The following EIF3E variants were observed in gnomAD, a reference collection of about 807,000 sequenced individuals.
The protein encoded by EIF3E is eukaryotic translation initiation factor 3 subunit E.
Under a neutral mutation model 59.3 loss-of-function variants are expected in EIF3E, and 25 were observed. The observed-to-expected ratio is 0.42, with a 90% CI of 0.31 to 0.59. The LOEUF is 0.59. EIF3E is among the 20% of genes least tolerant of loss of function. EIF3E has a pLI of 0.15. For missense variants in EIF3E, 317 were observed against 534.3 expected (o/e 0.59, Z 4.01); for synonymous variants, 176 against 170.2 (o/e 1.03, Z -0.26).
At chr8:108,245,261 T>C (rs1306713992) in intron 1 of EIF3E, among the ~76,000 whole-genome samples, 2 of 151,570 alleles carry the variant, frequency 1.3e-5, no homozygotes, top group Non-Finnish European at 2.9e-5. Context: ...AGTTCAGGAG[T>C]TTGAGACCAG....
At position 108,201,849 on chromosome 8, in the gene EIF3E, T is replaced by C. The variant is rs756944463; in HGVS notation, c.*36A>G. On this transcript the variant is annotated 3_prime_UTR_variant, in exon 13 of 13. Transcript: ENST00000220849. ...ATAGTTTTATTATTTCATCTTTCTT[T>C]GATAGTTTTTTTTTTCATCTTTTCT... 4.8e-6 allele frequency: 7 copies of C among 1,467,592 alleles called. No individual in the cohort carries two copies. Among genetic ancestry groups the C allele is most frequent in the Non-Finnish European group, 6.3e-6 (7 of 1,105,104 alleles). The allele number at this position is 1,467,592 out of a possible 1,614,324, so 90.9% of individuals were successfully genotyped here.
At chr8:108,203,544 C>T (rs1815035414) in intron 10 of EIF3E, 41 bp from the exon 11 acceptor site, 1 of 1,561,796 alleles carries the variant, frequency 6.4e-7, no homozygotes, top group Non-Finnish European at 8.8e-7. Context: ...TTAACTGGGC[C>T]TAAAAACTTA....
At chr8:108,240,941 C>CT (rs1815824233) in intron 2 of EIF3E, among the ~76,000 whole-genome samples, 1 of 151,640 alleles carries the variant, frequency 6.6e-6, no homozygotes, top group Admixed American at 6.6e-5. Context: ...GATCGCACCA[C>CT]TGCACTCCAG....
chr8:108,206,658 G>A (rs1019335023), intron 10 of EIF3E, among the ~76,000 whole-genome samples: 7 of 150,886 alleles, frequency 4.6e-5, no homozygotes, highest in Admixed American at 1.3e-4. Context: ...ACACACGCAC[G>A]CACGTACAGT....
chr8:108,203,231 A>C, intron 11 of EIF3E, 114 bp from the exon 12 acceptor site: 1 of 883,524 alleles, frequency 1.1e-6, no homozygotes, highest in Non-Finnish European at 1.5e-6. Context: ...TAGAGATGAC[A>C]ATATTTACCA....
chr8:108,240,872 C>A (rs1449892883), intron 2 of EIF3E, among the ~76,000 whole-genome samples: 2 of 151,750 alleles, frequency 1.3e-5, no homozygotes, highest in East Asian at 3.9e-4. Context: ...CCCAGCTACT[C>A]GGGAGGCTGA....
intron 5 of EIF3E, among the ~76,000 whole-genome samples, chr8:108,230,706 T>C (rs982075972): frequency 1.3e-5 from 2 of 152,122 alleles, no homozygotes; most frequent in Non-Finnish European, 2.9e-5. Context: ...ACAATACAAC[T>C]TGTACATGCA....
chr8:108,241,373 A>C (rs1363468379), intron 2 of EIF3E, among the ~76,000 whole-genome samples: 4 of 152,098 alleles, frequency 2.6e-5, no homozygotes, highest in Non-Finnish European at 5.9e-5. Flanking sequence ...TCCCAGGTGA[A>C]CTGATGATGC....
Position 108,204,821 on chromosome 8 carries a change from GAGAC to G in EIF3E, c.1062-1322_1062-1319del, listed in dbSNP as rs1815069409. On this transcript the variant is annotated intron_variant, in intron 10 of 12. Coordinates refer to ENST00000220849, the MANE Select transcript of EIF3E (RefSeq NM_001568.3). ...GAGAGAGACTGAATTTCAGATAAAA[GAGAC>G]AGAGGGAGCAGACCAGACCATGAAG... Among the ~76,000 whole-genome samples, 3 of 149,196 alleles carry G rather than the reference GAGAC, an allele frequency of 2.0e-5. No homozygotes were observed. The South Asian group carries it at 6.4e-4, about 32-fold the overall frequency.
chr8:108,245,927 A>C (rs1283194016), intron 1 of EIF3E, among the ~76,000 whole-genome samples: 3 of 152,166 alleles, frequency 2.0e-5, no homozygotes, highest in Non-Finnish European at 2.9e-5. Context: ...CCATGAGCTA[A>C]ATGTTCCAAG....
intron 7 of EIF3E, among the ~76,000 whole-genome samples, chr8:108,223,113 T>C (rs750312205): frequency 1.2e-4 from 19 of 152,134 alleles, no homozygotes; most frequent in Non-Finnish European, 2.4e-4. Flanking sequence ...GCTTACAAGT[T>C]GGGGAGATGA....
intron 7 of EIF3E, among the ~76,000 whole-genome samples, chr8:108,221,324 C>T (rs1467834374): frequency 6.6e-6 from 1 of 152,090 alleles, no homozygotes; most frequent in Non-Finnish European, 1.5e-5. Context: ...AATTTTGATG[C>T]CTCACTTTCA....
intron 10 of EIF3E, among the ~76,000 whole-genome samples, chr8:108,206,592 GCACA>G (rs58104020): frequency 0.4 from 60,334 of 149,504 alleles, 12,315 homozygotes; most frequent in East Asian, 0.49. Context: ...GTGCACATGT[GCACA>G]CACACACACA....
At chr8:108,213,265 G>A (rs1368840621) in intron 10 of EIF3E, among the ~76,000 whole-genome samples, 2 of 152,162 alleles carry the variant, frequency 1.3e-5, no homozygotes, top group East Asian at 1.9e-4. Flanking sequence ...ATAGTACCTC[G>A]GAAGCAAACA....
intron 10 of EIF3E, among the ~76,000 whole-genome samples, chr8:108,207,360 T>C (rs1313734957): frequency 6.6e-6 from 1 of 152,150 alleles, no homozygotes; most frequent in Non-Finnish European, 1.5e-5. Context: ...TCTACAGATA[T>C]TAAAATAAAA....
At chr8:108,246,625 A>G (rs1340533363) in intron 1 of EIF3E, among the ~76,000 whole-genome samples, 1 of 152,028 alleles carries the variant, frequency 6.6e-6, no homozygotes, top group African/African-American at 2.4e-5. Context: ...TTTTTCAATA[A>G]AAGTTACACC....
Position 108,209,922 on chromosome 8 carries a change from C to T in EIF3E, c.1061+4685G>A, listed in dbSNP as rs190907369. ...TGTATCAACATCAACATCCTGGCTG[C>T]TATATTTTACTGTGGTTTTGCAAGA... On this transcript the variant is annotated intron_variant, in intron 10 of 12. Coordinates refer to ENST00000220849, the MANE Select transcript of EIF3E (RefSeq NM_001568.3). 3.9e-5 allele frequency among the ~76,000 whole-genome samples: 6 copies of T among 151,976 alleles called. No individual in the cohort carries two copies. In the East Asian group the frequency reaches 1.2e-3, roughly 29 times the overall value.
intron 5 of EIF3E, chr8:108,234,582 T>C (rs1225331821): frequency 1.3e-5 from 2 of 152,368 alleles, no homozygotes; most frequent in East Asian, 3.8e-4. Context: ...CACAGTTGTT[T>C]AGAGCCAAGT....
chr8:108,228,077 T>G, intron 7 of EIF3E, 190 bp downstream of exon 7: 1 of 521,434 alleles, frequency 1.9e-6, no homozygotes, highest in Non-Finnish European at 3.2e-6. Context: ...AGGCTTAGGG[T>G]ACACTCTGTC....
Sources: allele counts gnomAD v4.1 joint callset (sites outside exome capture counted in the v4.1 genomes callset), GRCh38; gene constraint gnomAD v4.1.1; transcripts MANE v1.5; gene names NCBI Gene and HGNC (gene_info 2026-07-23, HGNC 2026-07-21).